The following NCKAP5 variants were observed in gnomAD, a reference collection of about 807,000 sequenced individuals.
The protein encoded by NCKAP5 is nck-associated protein 5.
A neutral mutation model predicts 167.0 loss-of-function variants in NCKAP5; 92 were observed. The observed-to-expected ratio is 0.55, with a 90% CI of 0.47 to 0.66. The LOEUF is 0.66. Ranked by LOEUF, NCKAP5 falls within the 30% of genes least tolerant of loss-of-function variation. The pLI, the probability that NCKAP5 is intolerant of heterozygous loss-of-function variation, is 0.00. For missense variants in NCKAP5, 2,378 were observed against 2,315.0 expected (o/e 1.03, Z -0.56); for synonymous variants, 891 against 877.4 (o/e 1.02, Z -0.27).
intron 6 of NCKAP5, among the ~76,000 whole-genome samples, chr2:133,120,573 G>A (rs2082219027): frequency 6.6e-6 from 1 of 152,172 alleles, no homozygotes; most frequent in Non-Finnish European, 1.5e-5. Flanking sequence ...AACACTCTCA[G>A]AAAGTAAACT....
At chr2:133,294,111 C>A (rs143132807) in intron 4 of NCKAP5, among the ~76,000 whole-genome samples, 149 of 152,308 alleles carry the variant, frequency 9.8e-4, no homozygotes, top group Non-Finnish European at 1.7e-3. Context: ...TTGTTTGCTA[C>A]ACATTCTCTC....
At chr2:132,812,149 C>T (rs1344761526) in intron 11 of NCKAP5, among the ~76,000 whole-genome samples, 5 of 152,124 alleles carry the variant, frequency 3.3e-5, no homozygotes, top group Admixed American at 2.0e-4. Flanking sequence ...CAGGAGCGGT[C>T]GCTTCCTTTG....
chr2:133,156,472 A>T (rs369287581), intron 5 of NCKAP5, among the ~76,000 whole-genome samples: 58 of 152,324 alleles, frequency 3.8e-4, no homozygotes, highest in African/African-American at 1.2e-3. Flanking sequence ...TGAGAAAACA[A>T]ATAAATTAAA....
At position 133,390,265 on chromosome 2, in the gene NCKAP5, G is replaced by A. The variant is rs560926541; in HGVS notation, c.70-87155C>T. 5.9e-5 allele frequency among the ~76,000 whole-genome samples: 9 copies of A among 152,274 alleles called. No homozygotes were observed. In the East Asian group the frequency reaches 1.6e-3, roughly 26 times the overall value. On this transcript the variant is annotated intron_variant, in intron 3 of 19. Transcript: ENST00000409261. The stretch of plus-strand genomic sequence containing the variant: ...TAAGACAAGAAAGACTCCTTCCAGT[G>A]TCTTCTATTTTACAACCGGAAACTA...
chr2:133,375,596 C>T (rs1274491280), intron 3 of NCKAP5, among the ~76,000 whole-genome samples: 3 of 152,134 alleles, frequency 2.0e-5, no homozygotes, highest in Non-Finnish European at 4.4e-5. Context: ...CTCCTCCCAC[C>T]CTCTGCCCTC....
intron 15 of NCKAP5, among the ~76,000 whole-genome samples, chr2:132,778,070 C>T (rs969285781): frequency 2.6e-5 from 4 of 152,100 alleles, no homozygotes; most frequent in Non-Finnish European, 5.9e-5. Flanking sequence ...TCTAAATCTA[C>T]AGGAAAGAAG....
chr2:132,851,597 C>T (rs1259012473), intron 11 of NCKAP5, among the ~76,000 whole-genome samples: 1 of 152,180 alleles, frequency 6.6e-6, no homozygotes, highest in Non-Finnish European at 1.5e-5. Flanking sequence ...CAAGGAGGCT[C>T]AGCCTGTTCT....
At chr2:133,221,920 T>G (rs892477805) in intron 4 of NCKAP5, among the ~76,000 whole-genome samples, 1 of 152,230 alleles carries the variant, frequency 6.6e-6, no homozygotes, top group Admixed American at 6.5e-5. Flanking sequence ...TCTGCCACTT[T>G]GGTGCCAGGA....
At chr2:133,112,190 C>T (rs1007000379) in intron 6 of NCKAP5, among the ~76,000 whole-genome samples, 9 of 152,084 alleles carry the variant, frequency 5.9e-5, no homozygotes, top group African/African-American at 2.2e-4. Flanking sequence ...AATAGGTATG[C>T]TAGGTATGGC....
At chr2:133,134,658 C>T (rs569277871) in intron 5 of NCKAP5, among the ~76,000 whole-genome samples, 4 of 152,192 alleles carry the variant, frequency 2.6e-5, no homozygotes, top group Admixed American at 2.0e-4. Flanking sequence ...CTCCATGGTT[C>T]TACAGAATGA....
intron 3 of NCKAP5, among the ~76,000 whole-genome samples, chr2:133,382,192 C>T (rs1190863422): frequency 6.6e-6 from 1 of 152,154 alleles, no homozygotes; most frequent in Non-Finnish European, 1.5e-5. Context: ...CAACGAACAT[C>T]ATCATCAATT....
intron 8 of NCKAP5, among the ~76,000 whole-genome samples, chr2:132,940,363 AG>A (rs1697201711): frequency 6.6e-6 from 1 of 152,180 alleles, no homozygotes; most frequent in South Asian, 2.1e-4. Context: ...TTCAGGGCTC[AG>A]GGAACACTGG....
chr2:133,280,777 C>G (rs567537242), intron 4 of NCKAP5, among the ~76,000 whole-genome samples: 1 of 152,152 alleles, frequency 6.6e-6, no homozygotes, highest in East Asian at 1.9e-4. Flanking sequence ...ATAGTTATAC[C>G]TGTTCACTTA....
chr2:132,735,328 C>T (rs200238653), intron 16 of NCKAP5, among the ~76,000 whole-genome samples: 3 of 152,164 alleles, frequency 2.0e-5, no homozygotes, highest in East Asian at 1.9e-4. Context: ...GACTTAGTGC[C>T]ATCCCCTTAG....
chr2:133,388,446 C>G (rs901414617), intron 3 of NCKAP5, among the ~76,000 whole-genome samples: 1 of 152,200 alleles, frequency 6.6e-6, no homozygotes, highest in Non-Finnish European at 1.5e-5. Flanking sequence ...GTCAGTCTAC[C>G]CCTACTGGGG....
At chr2:132,685,877 T>C (rs1334288514) in intron 19 of NCKAP5, among the ~76,000 whole-genome samples, 1 of 152,120 alleles carries the variant, frequency 6.6e-6, no homozygotes, top group African/African-American at 2.4e-5. Flanking sequence ...TTGTCCAATC[T>C]ATGGACAGCT....
intron 11 of NCKAP5, among the ~76,000 whole-genome samples, chr2:132,833,137 T>C (rs1309979284): frequency 1.3e-5 from 2 of 152,194 alleles, no homozygotes; most frequent in South Asian, 2.1e-4. Flanking sequence ...GTTTAGCTTT[T>C]TTCATATACC....
chr2:133,601,504 C>T, the NCKAP5 span, among the ~76,000 whole-genome samples: 3 of 152,170 alleles, frequency 2.0e-5, no homozygotes, highest in Non-Finnish European at 2.9e-5. Context: ...CCAAGGTGGG[C>T]GGATCACCTG....
intron 3 of NCKAP5, among the ~76,000 whole-genome samples, chr2:133,466,809 T>C (rs1692632705): frequency 6.7e-6 from 1 of 148,194 alleles, no homozygotes; most frequent in Non-Finnish European, 1.5e-5. Context: ...TGGCTCTCTG[T>C]TTGTCTGTTG....
Sources: gnomAD v4.1 joint callset for allele counts (sites outside exome capture counted in the v4.1 genomes callset) on GRCh38, gnomAD v4.1.1 for gene constraint, MANE v1.5 for transcripts, NCBI Gene and HGNC (gene_info 2026-07-23, HGNC 2026-07-21) for gene names.